CTNNA3: variants seen among roughly 807,000 people sequenced by gnomAD.
CTNNA3 encodes the protein catenin alpha-3.
Under a neutral mutation model 95.7 loss-of-function variants are expected in CTNNA3, and 76 were observed. The ratio of observed to expected loss-of-function variants is 0.79; its 90% CI spans 0.66 to 0.96. The LOEUF (loss-of-function observed/expected upper bound fraction) is 0.96, where lower values mean the gene tolerates loss of function less well. Ranked by LOEUF, CTNNA3 falls within the 40% of genes least tolerant of loss-of-function variation. CTNNA3 has a pLI of 0.00. For synonymous variants in CTNNA3, 431 were observed against 374.4 expected, an observed-to-expected ratio of 1.15 and a Z score of -1.74; for missense variants, 1,191 against 1,089.8, an observed-to-expected ratio of 1.09 and a Z score of -1.31.
At chr10:67,516,410 A>T (rs1033044275) in intron 5 of CTNNA3, among the ~76,000 whole-genome samples, 1 of 152,128 alleles carries the variant, frequency 6.6e-6, no homozygotes, top group Non-Finnish European at 1.5e-5. Context: ...TACAACCACA[A>T]GCCTAGCACT....
At chr10:65,962,163 A>G (rs1248814572) in intron 17 of CTNNA3, among the ~76,000 whole-genome samples, 1 of 152,262 alleles carries the variant, frequency 6.6e-6, no homozygotes, top group East Asian at 1.9e-4. Flanking sequence ...GGCATCCAAC[A>G]TATTTTCACT....
chr10:66,007,379 C>G (rs775423129), intron 15 of CTNNA3, among the ~76,000 whole-genome samples: 4 of 152,128 alleles, frequency 2.6e-5, no homozygotes, highest in Non-Finnish European at 4.4e-5. Flanking sequence ...TTTCCTGATC[C>G]TCTTCCTCCT....
At chr10:67,064,728 A>C (rs1458861451) in intron 7 of CTNNA3, among the ~76,000 whole-genome samples, 3 of 152,208 alleles carry the variant, frequency 2.0e-5, no homozygotes, top group Admixed American at 2.0e-4. Context: ...GTATTAATTG[A>C]AATTTAAGTG....
At chr10:65,923,604 A>G (rs550292387) in intron 17 of CTNNA3, among the ~76,000 whole-genome samples, 1 of 152,370 alleles carries the variant, frequency 6.6e-6, no homozygotes, top group South Asian at 2.1e-4. Flanking sequence ...GTGGTGTTGC[A>G]TCTCCAAATT....
At chr10:67,625,684 T>A (rs879927120) in intron 2 of CTNNA3, among the ~76,000 whole-genome samples, 2 of 152,188 alleles carry the variant, frequency 1.3e-5, no homozygotes, top group Non-Finnish European at 2.9e-5. Flanking sequence ...AAAGCAGAAA[T>A]AATATTCAAA....
intron 14 of CTNNA3, among the ~76,000 whole-genome samples, chr10:66,069,811 A>C (rs1182609316): frequency 1.3e-5 from 2 of 152,164 alleles, no homozygotes; most frequent in Admixed American, 1.3e-4. Flanking sequence ...AATTAACATC[A>C]ATTTAGTGTA....
At chr10:67,246,116 A>G (rs1198777111) in intron 5 of CTNNA3, among the ~76,000 whole-genome samples, 1 of 152,234 alleles carries the variant, frequency 6.6e-6, no homozygotes, top group Admixed American at 6.5e-5. Context: ...ATGACTGCCA[A>G]TTAGATGGCA....
chr10:67,019,809 T>A (rs1258448354), intron 7 of CTNNA3, among the ~76,000 whole-genome samples: 1 of 152,208 alleles, frequency 6.6e-6, no homozygotes, highest in East Asian at 1.9e-4. Flanking sequence ...TTACTCACTT[T>A]AAGTTCAAAT....
At chr10:67,166,052 G>C (rs1199363461) in intron 7 of CTNNA3, among the ~76,000 whole-genome samples, 1 of 152,140 alleles carries the variant, frequency 6.6e-6, no homozygotes, top group African/African-American at 2.4e-5. Flanking sequence ...TGAGCCCCCA[G>C]TACTGCACTT....
At chr10:66,349,786 A>C (rs2092552988) in intron 12 of CTNNA3, among the ~76,000 whole-genome samples, 1 of 152,092 alleles carries the variant, frequency 6.6e-6, no homozygotes, top group Admixed American at 6.6e-5. Context: ...TTATGGTCAT[A>C]AGTACAGTTT....
intron 7 of CTNNA3, among the ~76,000 whole-genome samples, chr10:66,778,917 A>G (rs1208693257): frequency 1.3e-5 from 2 of 152,138 alleles, no homozygotes; most frequent in African/African-American, 4.8e-5. Flanking sequence ...CGGAAGTTGC[A>G]GTGAGCCGAG....
At chr10:66,428,451 T>C (rs2093263402) in intron 11 of CTNNA3, among the ~76,000 whole-genome samples, 1 of 152,142 alleles carries the variant, frequency 6.6e-6, no homozygotes, top group South Asian at 2.1e-4. Context: ...AGAATATACA[T>C]TCTTTTCAGC....
At chr10:67,756,234 GA>G (rs1162172932) in intron 1 of CTNNA3, among the ~76,000 whole-genome samples, 1 of 152,146 alleles carries the variant, frequency 6.6e-6, no homozygotes, top group Non-Finnish European at 1.5e-5. Context: ...TAGTTTAATA[GA>G]AGAACTAAGA....
chr10:66,728,520 G>C (rs1848849171), intron 9 of CTNNA3, among the ~76,000 whole-genome samples: 1 of 152,136 alleles, frequency 6.6e-6, no homozygotes, highest in South Asian at 2.1e-4. Flanking sequence ...CCTATGTCCT[G>C]AATGGTATTG....
At position 67,185,505 on chromosome 10, in the gene CTNNA3, T is replaced by A. The variant is rs193231926; in HGVS notation, c.844-4985A>T. Among the ~76,000 whole-genome samples, 304 of 152,278 alleles carry A rather than the reference T, an allele frequency of 2.0e-3. 3 individuals are homozygous for A. Among genetic ancestry groups the A allele is most frequent in the African/African-American group, 7.1e-3 (294 of 41,572 alleles). ...ATGGGCAAAAAAATTTTTAAAAACA[T>A]GAAAGGAAATTAACTTTACAAAAAG... On this transcript the variant is annotated intron_variant, in intron 6 of 17. Transcript: ENST00000433211.
At chr10:66,815,626 G>T (rs974647083) in intron 7 of CTNNA3, among the ~76,000 whole-genome samples, 3 of 152,036 alleles carry the variant, frequency 2.0e-5, no homozygotes, top group Non-Finnish European at 2.9e-5. Flanking sequence ...TACCATCTTT[G>T]TTGATTGAGG....
intron 7 of CTNNA3, among the ~76,000 whole-genome samples, chr10:66,845,732 A>C (rs1843242935): frequency 1.0e-5 from 1 of 99,616 alleles, no homozygotes; most frequent in Non-Finnish European, 2.2e-5. Context: ...AAAAAAAACT[A>C]AAAAGGTGAG....
At chr10:65,983,000 G>T (rs2078356668) in intron 16 of CTNNA3, among the ~76,000 whole-genome samples, 1 of 151,486 alleles carries the variant, frequency 6.6e-6, no homozygotes, top group Non-Finnish European at 1.5e-5. Context: ...AGAATATTTT[G>T]TAAAATATTA....
chr10:66,681,331 AGTTTG>A, intron 9 of CTNNA3, among the ~76,000 whole-genome samples: 1 of 152,274 alleles, frequency 6.6e-6, no homozygotes, highest in Middle Eastern at 3.4e-3. Context: ...CTTGGTCCTA[AGTTTG>A]GCAGCTCAAA....
Sources: allele counts gnomAD v4.1 joint callset (sites outside exome capture counted in the v4.1 genomes callset), GRCh38; gene constraint gnomAD v4.1.1; transcripts MANE v1.5; gene names NCBI Gene and HGNC (gene_info 2026-07-23, HGNC 2026-07-21).